The following C8orf34 variants were observed in gnomAD, a reference collection of about 807,000 sequenced individuals.
C8orf34 encodes the protein chromosome 8 open reading frame 34, also known as uncharacterized protein C8orf34.
C8orf34 carries 65 observed loss-of-function variants against 68.3 expected under a neutral mutation model. That is an observed-to-expected ratio of 0.95 (90% confidence interval 0.78 to 1.17). The LOEUF (loss-of-function observed/expected upper bound fraction) is 1.17, where lower values mean the gene tolerates loss of function less well. Ranked by LOEUF, C8orf34 falls within the 50% of genes most tolerant of loss-of-function variation. The pLI is 0.00. For missense variants in C8orf34, 664 were observed against 655.4 expected (o/e 1.01, Z -0.14); for synonymous variants, 244 against 241.2 (o/e 1.01, Z -0.11).
At chr8:68,773,762 C>A (rs1302555868) in intron 10 of C8orf34, among the ~76,000 whole-genome samples, 1 of 152,040 alleles carries the variant, frequency 6.6e-6, no homozygotes, top group African/African-American at 2.4e-5. Context: ...GCAGTTACAA[C>A]CAAACTCCCG....
At chr8:68,788,027 C>T (rs1333535838) in intron 12 of C8orf34, among the ~76,000 whole-genome samples, 4 of 152,066 alleles carry the variant, frequency 2.6e-5, no homozygotes, top group African/African-American at 9.7e-5. Context: ...TTCAAGTCAC[C>T]ATATTCTAAT....
chr8:68,487,729 A>G (rs1217809378), intron 4 of C8orf34, among the ~76,000 whole-genome samples: 1 of 152,210 alleles, frequency 6.6e-6, no homozygotes, highest in African/African-American at 2.4e-5. Flanking sequence ...TATCTCTACA[A>G]TTACATTCGC....
At chr8:68,533,399 C>T (rs1388923452) in intron 7 of C8orf34, 12 of 1,167,690 alleles carry the variant, frequency 1.0e-5, no homozygotes, top group South Asian at 3.2e-5. Flanking sequence ...CTTCTGACTA[C>T]GTAATGAAGC....
chr8:68,588,682 A>G (rs760323964), intron 7 of C8orf34, among the ~76,000 whole-genome samples: 4 of 152,188 alleles, frequency 2.6e-5, no homozygotes, highest in African/African-American at 4.8e-5. Context: ...ATAGGTCTTC[A>G]TGCATTTGAA....
intron 8 of C8orf34, among the ~76,000 whole-genome samples, chr8:68,701,835 C>G (rs2130937380): frequency 6.6e-6 from 1 of 152,114 alleles, no homozygotes; most frequent in Non-Finnish European, 1.5e-5. Context: ...ATTCAAGCCA[C>G]TCCGGTCATT....
intron 8 of C8orf34, among the ~76,000 whole-genome samples, chr8:68,667,018 T>C (rs1384083126): frequency 6.6e-6 from 1 of 152,196 alleles, no homozygotes; most frequent in Non-Finnish European, 1.5e-5. Flanking sequence ...ATTATTCTAA[T>C]CGCTGAAGGA....
chr8:68,425,458 T>C (rs1177846934), intron 1 of C8orf34, among the ~76,000 whole-genome samples: 1 of 152,192 alleles, frequency 6.6e-6, no homozygotes, highest in African/African-American at 2.4e-5. Context: ...AATTTCTGTA[T>C]ACTGACAAAA....
At chr8:68,620,104 G>C (rs1454776016) in intron 7 of C8orf34, among the ~76,000 whole-genome samples, 2 of 152,196 alleles carry the variant, frequency 1.3e-5, no homozygotes, top group Non-Finnish European at 2.9e-5. Flanking sequence ...TCACGGAAGT[G>C]CAGGGTGAAA....
intron 1 of C8orf34, among the ~76,000 whole-genome samples, chr8:68,393,987 T>TA (rs1480083071): frequency 1.3e-5 from 2 of 152,104 alleles, no homozygotes. Context: ...AATGAAATGT[T>TA]ACCAGTAAGA....
At chr8:68,355,482 G>A (rs977241615) in intron 1 of C8orf34, among the ~76,000 whole-genome samples, 1 of 152,156 alleles carries the variant, frequency 6.6e-6, no homozygotes, top group Non-Finnish European at 1.5e-5. Flanking sequence ...TTCTGTGACT[G>A]GCATTTGGTG....
At chr8:68,676,419 T>C (rs907655247) in intron 8 of C8orf34, among the ~76,000 whole-genome samples, 1 of 152,058 alleles carries the variant, frequency 6.6e-6, no homozygotes, top group Non-Finnish European at 1.5e-5. Context: ...TAGACCCCAA[T>C]ACAATAATAA....
At chr8:68,588,375 A>C (rs563513656) in intron 7 of C8orf34, among the ~76,000 whole-genome samples, 1 of 152,304 alleles carries the variant, frequency 6.6e-6, no homozygotes, top group East Asian at 1.9e-4. Flanking sequence ...GTGTTGATGC[A>C]TGATTAAAGA....
chr8:68,709,101 A>G lies in C8orf34; in HGVS notation c.1327+22A>G. ...TTCGGTAAGTTTTAAGTCCAACAAT[A>G]TTTATTGCAGTTCTAGTGGCACTTA... On this transcript the variant is annotated intron_variant, in intron 9 of 13. Transcript: ENST00000518698. The G allele has an allele frequency of 3.2e-6, 5 of 1,556,590 alleles. No homozygotes were observed. The South Asian group carries it at 5.6e-5, about 17-fold the overall frequency.
intron 4 of C8orf34, among the ~76,000 whole-genome samples, chr8:68,474,402 A>G (rs796823502): frequency 8.7e-4 from 133 of 152,202 alleles, no homozygotes; most frequent in African/African-American, 3.1e-3. Context: ...TTTTTCCTCT[A>G]AGATATGTTT....
intron 4 of C8orf34, among the ~76,000 whole-genome samples, chr8:68,477,855 C>G (rs1276565481): frequency 6.6e-6 from 1 of 152,188 alleles, no homozygotes; most frequent in African/African-American, 2.4e-5. Flanking sequence ...GAAGCAACAG[C>G]CTTTGGTCCC....
chr8:68,690,093 C>G (rs1401354188), intron 8 of C8orf34, among the ~76,000 whole-genome samples: 1 of 151,918 alleles, frequency 6.6e-6, no homozygotes, highest in Non-Finnish European at 1.5e-5. Flanking sequence ...GGGGTCAGGC[C>G]TGTTATAAGA....
chr8:68,442,993 C>A (rs1188642803), intron 2 of C8orf34, among the ~76,000 whole-genome samples: 1 of 152,118 alleles, frequency 6.6e-6, no homozygotes, highest in East Asian at 1.9e-4. Flanking sequence ...CATAAGAGAA[C>A]AGACACTTTT....
At chr8:68,593,692 C>CTAT (rs1434581411) in intron 7 of C8orf34, among the ~76,000 whole-genome samples, 4 of 151,926 alleles carry the variant, frequency 2.6e-5, no homozygotes, top group Non-Finnish European at 4.4e-5. Flanking sequence ...TTCTGTCTTG[C>CTAT]CAAAGATTTA....
chr8:68,474,071 A>G (rs1812494751), intron 4 of C8orf34, among the ~76,000 whole-genome samples: 1 of 152,100 alleles, frequency 6.6e-6, no homozygotes, highest in Admixed American at 6.6e-5. Context: ...TGTTCTTTCA[A>G]GTGCTCTCTC....
Sources: gnomAD v4.1 joint callset for allele counts (sites outside exome capture counted in the v4.1 genomes callset) on GRCh38, gnomAD v4.1.1 for gene constraint, MANE v1.5 for transcripts, NCBI Gene and HGNC (gene_info 2026-07-23, HGNC 2026-07-21) for gene names.